BORA: variants seen among roughly 807,000 people sequenced by gnomAD.
BORA encodes BORA aurora kinase A activator, also known as protein aurora borealis.
In BORA, 26 loss-of-function variants were observed where a neutral mutation model predicts 55.8. That is an observed-to-expected ratio of 0.47 (90% confidence interval 0.34 to 0.65). The LOEUF (loss-of-function observed/expected upper bound fraction) is 0.65. Ranked by LOEUF, BORA falls within the 30% of genes least tolerant of loss-of-function variation. BORA has a pLI of 0.01. For synonymous variants in BORA, 201 were observed against 216.9 expected (o/e 0.93, Z 0.64); for missense variants, 568 against 671.5 (o/e 0.85, Z 1.70).
At chr13:72,738,747 T>C (rs1220196604) in intron 5 of BORA, among the ~76,000 whole-genome samples, 2 of 152,278 alleles carry the variant, frequency 1.3e-5, no homozygotes, top group South Asian at 2.1e-4. Flanking sequence ...AACATAATAA[T>C]ACAACAATAA....
In BORA at chr13:72,738,086, G is replaced by A. The variant is rs200849610; in HGVS notation, c.388+43G>A. 1,011 of 1,435,750 alleles carry A rather than the reference G, an allele frequency of 7.0e-4. 4 individuals carry two copies. The highest frequency in any genetic ancestry group is 7.9e-4 in the Admixed American group (44 of 55,710). The allele number at this position is 1,435,750 out of a possible 1,614,324, so 88.9% of individuals were successfully genotyped here. A position where few individuals can be genotyped will look rare whatever the true frequency, so the allele number is the denominator to read the frequency against. On this transcript the variant is annotated intron_variant, in intron 5 of 11. Transcript: ENST00000390667. ...GATATGAATAAAAATCAAAAAAGTC[G>A]GTGAATATAAAGCAACATATCATGA...
In BORA at chr13:72,747,063, A is replaced by T; in HGVS notation, c.1434A>T (p.Ser478=). 6.2e-7 allele frequency: 1 copy of T among 1,613,954 alleles called. No individual in the cohort carries two copies. Among genetic ancestry groups the T allele is most frequent in the Non-Finnish European group, 8.5e-7 (1 of 1,179,942 alleles). Residue 478 remains serine (S), a synonymous_variant, in exon 10 of 12, where the codon TCA becomes TCT. Transcript: ENST00000390667. ...TTGAAAACTCTCATATGTGCATGTCACCTCTTGCTGAAAGCAGTGTCATTC... is the reference window on the plus strand; with the variant it reads ...TTGAAAACTCTCATATGTGCATGTCTCCTCTTGCTGAAAGCAGTGTCATTC... The part of the protein sequence containing the change: ...FSIENSHMCM[S]PLAESSVIPC...
rs980684659 is a variant in BORA at position 72,749,745 on chromosome 13, A to T, written c.1482+2634A>T. 4.6e-5 allele frequency among the ~76,000 whole-genome samples: 7 copies of T among 152,128 alleles called. No individual in the cohort carries two copies. The East Asian group carries it at 1.3e-3, about 29-fold the overall frequency. On this transcript the variant is annotated intron_variant, in intron 10 of 11. Transcript: ENST00000390667. ...TTAAAAAGCCACGTTTTCTCTTGTT[A>T]CAGGGCCTTTTTGCACATGCTATGT...
Position 72,755,247 on chromosome 13 carries a change from TAAG to T in BORA, c.*33_*35del, listed in dbSNP as rs781131454. Reference sequence around the variant, plus strand: ...CTCTGTCAGAATCAAAGACTAAGCTTAAGAGTTCCTCGCATATATCGTTGTGCA... The same window carrying T: ...CTCTGTCAGAATCAAAGACTAAGCTTAGTTCCTCGCATATATCGTTGTGCA... On this transcript the variant is annotated 3_prime_UTR_variant, in exon 12 of 12. Transcript: ENST00000390667. 17 of 1,560,720 alleles carry T rather than the reference TAAG, an allele frequency of 1.1e-5. No individual in the cohort carries two copies. The highest frequency in any genetic ancestry group is 2.6e-6 in the Non-Finnish European group (3 of 1,132,970).
rs1313158588 is a variant in BORA, at chr13:72,746,100, A to AG, written c.871+25dup. 5 of 1,575,838 alleles carry AG rather than the reference A, an allele frequency of 3.2e-6. No individual in the cohort carries two copies. In the Admixed American group the frequency reaches 6.9e-5, roughly 22 times the overall value. On this transcript the variant is annotated intron_variant, in intron 9 of 11. Coordinates refer to ENST00000390667, the MANE Select transcript of BORA (RefSeq NM_024808.5). ...AGGTATGTCTCATAATAAAATACCTAGTTAAAAGTTTTATACTATCAATAT... is the reference window on the plus strand; with the variant it reads ...AGGTATGTCTCATAATAAAATACCTAGGTTAAAAGTTTTATACTATCAATAT...
Position 72,749,997 on chromosome 13 carries a change from G to A in BORA, c.1482+2886G>A, listed in dbSNP as rs74094527. Among the ~76,000 whole-genome samples the A allele has an allele frequency of 3.5e-3, 534 of 152,244 alleles. 2 individuals carry two copies. The highest frequency in any genetic ancestry group is 0.012 in the African/African-American group (498 of 41,544). ...ATTAAAAAGAACCCGTCACGTAATA[G>A]CCGCTCATTAAATATTTGTGTAACA... On this transcript the variant is annotated intron_variant, in intron 10 of 11. Transcript: ENST00000390667.
intron 3 of BORA, among the ~76,000 whole-genome samples, chr13:72,734,355 G>T (rs1168394581): frequency 6.6e-6 from 1 of 152,056 alleles, no homozygotes; most frequent in Non-Finnish European, 1.5e-5. Flanking sequence ...TATGCTTTGT[G>T]CTTGGACCCA....
chr13:72,739,365 G>A (rs1379194829), intron 5 of BORA, among the ~76,000 whole-genome samples: 2 of 152,142 alleles, frequency 1.3e-5, no homozygotes, highest in Admixed American at 1.3e-4. Flanking sequence ...TCAAGCCCAC[G>A]ATAACAGTGC....
intron 6 of BORA, among the ~76,000 whole-genome samples, 170 bp from the exon 7 acceptor site, chr13:72,744,335 C>G (rs1233406253): frequency 6.6e-6 from 1 of 152,194 alleles, no homozygotes; most frequent in Admixed American, 6.5e-5. Context: ...TGGGAAACCA[C>G]TTCTAGAAAG....
chr13:72,748,446 A>G (rs2033196224), intron 10 of BORA, among the ~76,000 whole-genome samples: 1 of 152,164 alleles, frequency 6.6e-6, no homozygotes, highest in Admixed American at 6.5e-5. Flanking sequence ...CACCAACTCT[A>G]TAAGGCTTTA....
chr13:72,731,415 C>A, intron 3 of BORA, 28 bp downstream of exon 3: 1 of 1,417,340 alleles, frequency 7.1e-7, no homozygotes, highest in Non-Finnish European at 1.0e-6. Flanking sequence ...GCACCTAAGT[C>A]TAATAACACT....
intron 9 of BORA, 94 bp downstream of exon 9, chr13:72,746,170 CA>C: frequency 8.7e-7 from 1 of 1,149,748 alleles, no homozygotes; most frequent in Non-Finnish European, 1.2e-6. Context: ...TGATAGAGCT[CA>C]AAATGATCAC....
chr13:72,730,905 AAAAAAT>A (rs1239199457), intron 2 of BORA, among the ~76,000 whole-genome samples: 1 of 125,384 alleles, frequency 8.0e-6, no homozygotes, highest in African/African-American at 2.7e-5. Context: ...AAAAAAAAAA[AAAAAAT>A]ACAAAAATTA....
intron 4 of BORA, among the ~76,000 whole-genome samples, chr13:72,736,978 A>G (rs1004491121): frequency 6.9e-5 from 10 of 144,400 alleles, no homozygotes; most frequent in African/African-American, 2.6e-4. Flanking sequence ...GCCCCAGTCC[A>G]CCTTTAAAAA....
At chr13:72,744,457 T>A in intron 6 of BORA, 48 bp from the exon 7 acceptor site, 1 of 1,505,702 alleles carries the variant, frequency 6.6e-7, no homozygotes, top group Non-Finnish European at 9.2e-7. Context: ...TATACTTTCA[T>A]TGATTTATCC....
chr13:72,753,994 A>T lies in BORA; in HGVS notation c.1614+173A>T, dbSNP rs192228014. ...TAAATATTTTGGTTACTCTGAATAC[A>T]CAAGTATCTTACATACTACAAAGTG... On this transcript the variant is annotated intron_variant, in intron 11 of 11. Transcript: ENST00000390667. 424 of 641,370 alleles carry T rather than the reference A, an allele frequency of 6.6e-4. 1 individual carries two copies. The African/African-American group carries it at 7.0e-3, about 11-fold the overall frequency. The allele number at this position is 641,370 out of a possible 1,614,324, so 39.7% of individuals were successfully genotyped here.
chr13:72,755,148 C>G lies in BORA; in HGVS notation c.1615-3C>G, dbSNP rs1438240690. 1 of 1,613,382 alleles carries G rather than the reference C, an allele frequency of 6.2e-7. No homozygotes were observed. The highest frequency in any genetic ancestry group is 8.5e-7 in the Non-Finnish European group (1 of 1,179,664). On this transcript the variant is annotated splice_region_variant and splice_polypyrimidine_tract_variant and intron_variant, in intron 11 of 11. Coordinates refer to ENST00000390667, the MANE Select transcript of BORA (RefSeq NM_024808.5). ...AAACAAGGTATTGTCTTCTTTTTCA[C>G]AGCAAGACCACACAACACAGAGGTG...
chr13:72,732,700 G>A (rs746278191), intron 3 of BORA, among the ~76,000 whole-genome samples: 1 of 151,918 alleles, frequency 6.6e-6, no homozygotes, highest in Admixed American at 6.6e-5. Flanking sequence ...AAATAAATAA[G>A]TAAATAAATA....
intron 5 of BORA, among the ~76,000 whole-genome samples, chr13:72,743,072 A>G (rs1196093201): frequency 2.0e-5 from 3 of 152,108 alleles, no homozygotes; most frequent in Non-Finnish European, 4.4e-5. Flanking sequence ...GACAGGAGGA[A>G]TAAGTTCTGG....
Sources: gnomAD v4.1 joint callset for allele counts (sites outside exome capture counted in the v4.1 genomes callset) on GRCh38, gnomAD v4.1.1 for gene constraint, MANE v1.5 for transcripts, NCBI Gene and HGNC (gene_info 2026-07-23, HGNC 2026-07-21) for gene names.